The following SEC23B variants were observed in gnomAD, a reference collection of about 807,000 sequenced individuals.
SEC23B encodes SEC23 homolog B, COPII component.
In SEC23B, 77 loss-of-function variants were observed where a neutral mutation model predicts 104.3. That is an observed-to-expected ratio of 0.74 (90% CI 0.61 to 0.89). The LOEUF (loss-of-function observed/expected upper bound fraction) is 0.89, where lower values mean the gene tolerates loss of function less well. Among genes scored for constraint, SEC23B ranks in the 40% least tolerant of loss-of-function variants. The pLI is 0.00. For synonymous variants in SEC23B, 338 were observed against 332.5 expected, an observed-to-expected ratio of 1.02 and a Z score of -0.18; for missense variants, 885 against 949.4, an observed-to-expected ratio of 0.93 and a Z score of 0.89.
chr20:18,546,903 G>GTTTT (rs58809009), intron 15 of SEC23B, among the ~76,000 whole-genome samples: 3 of 115,496 alleles, frequency 2.6e-5, no homozygotes, highest in African/African-American at 6.7e-5. Context: ...GTGGTTTGCA[G>GTTTT]TTTTTTTTTT....
chr20:18,531,319 G>A (rs1487701674), intron 10 of SEC23B, among the ~76,000 whole-genome samples: 3 of 152,154 alleles, frequency 2.0e-5, no homozygotes, highest in Non-Finnish European at 2.9e-5. Flanking sequence ...GCACAGAGAC[G>A]TGGTTATGTT....
chr20:18,555,680 T>G (rs1281734034), intron 19 of SEC23B, among the ~76,000 whole-genome samples: 1 of 152,142 alleles, frequency 6.6e-6, no homozygotes, highest in East Asian at 1.9e-4. Context: ...TAAATTAAAT[T>G]TTTTTGAGAT....
intron 19 of SEC23B, among the ~76,000 whole-genome samples, chr20:18,556,765 A>G (rs1253481274): frequency 6.6e-6 from 1 of 152,202 alleles, no homozygotes; most frequent in Non-Finnish European, 1.5e-5. Flanking sequence ...TGGGAGGCCA[A>G]GGTAGGCAGA....
At chr20:18,529,425 G>A (rs1301326538) in intron 9 of SEC23B, among the ~76,000 whole-genome samples, 1 of 152,230 alleles carries the variant, frequency 6.6e-6, no homozygotes, top group Non-Finnish European at 1.5e-5. Flanking sequence ...TTTGCAGAGG[G>A]TTTGGTTGAG....
intron 14 of SEC23B, 75 bp from the exon 15 acceptor site, chr20:18,545,881 C>T (rs2060327079): frequency 2.3e-6 from 2 of 872,194 alleles, no homozygotes; most frequent in East Asian, 4.8e-5. Context: ...GGAATATTTC[C>T]AGGTAATGCT....
intron 4 of SEC23B, among the ~76,000 whole-genome samples, chr20:18,520,352 A>T (rs1291336537): frequency 6.6e-6 from 1 of 152,140 alleles, no homozygotes; most frequent in African/African-American, 2.4e-5. Context: ...ATTGGCATTG[A>T]GCGGGGTAAG....
chr20:18,532,402 A>G (rs184002307), intron 10 of SEC23B, among the ~76,000 whole-genome samples: 16 of 152,370 alleles, frequency 1.1e-4, no homozygotes, highest in African/African-American at 3.4e-4. Flanking sequence ...CTACATGTAC[A>G]GTAATTTCCA....
At position 18,542,306 on chromosome 20, in the gene SEC23B, C is replaced by T. The variant is rs752548887; in HGVS notation, c.1415C>T (p.Pro472Leu). The stretch of plus-strand genomic sequence containing the variant: ...CCTCTCATCCTACAGCACAACACCC[C>T]GATCCCCCAAGGAGGCAGAGGAGCC... ...YFEVVNQHNTPIPQGGRGAIQ... is the reference protein window; with the variant it reads ...YFEVVNQHNTLIPQGGRGAIQ... The change falls in exon 13 of 20, where the codon CCG becomes CTG. Residue 472 changes from proline to leucine, a missense_variant. By Grantham distance (98) the Pro-to-Leu change is moderately conservative (BLOSUM62 -3). Coordinates refer to ENST00000650089, the MANE Select transcript of SEC23B (RefSeq NM_006363.6). 16 of 1,614,000 alleles carry T rather than the reference C, an allele frequency of 9.9e-6. No individual in the cohort carries two copies. The highest frequency in any genetic ancestry group is 1.7e-5 in the Admixed American group (1 of 59,990).
At chr20:18,545,047 T>C (rs377330276) in intron 14 of SEC23B, among the ~76,000 whole-genome samples, 21 of 151,692 alleles carry the variant, frequency 1.4e-4, no homozygotes, top group African/African-American at 5.1e-4. Context: ...GATAATTGAA[T>C]GTGAACTTGC....
At chr20:18,522,675 A>G (rs2060094944) in intron 4 of SEC23B, among the ~76,000 whole-genome samples, 1 of 141,020 alleles carries the variant, frequency 7.1e-6, no homozygotes, top group Admixed American at 7.2e-5. Context: ...AGAAACCACC[A>G]AACAGGCTTT....
Position 18,524,549 on chromosome 20 carries a change from T to C in SEC23B, c.483T>C (p.Asp161=). ...TGTCCCTGAGTCTTCTTCCTCCAGA[T>C]GCTCTGGTGGGTCTGATCACATTTG... ...LQMSLSLLPP[D]ALVGLITFGR... The change falls in exon 5 of 20, where the codon GAT becomes GAC. Residue 161 remains aspartate (D), a synonymous_variant. Transcript: ENST00000650089. The C allele has an allele frequency of 6.2e-7, 1 of 1,613,984 alleles. No individual in the cohort carries two copies. Among genetic ancestry groups the C allele is most frequent in the Non-Finnish European group, 8.5e-7 (1 of 1,179,788 alleles).
Position 18,543,003 on chromosome 20 carries a change from ACT to A in SEC23B, c.1512-13_1512-12del, listed in dbSNP as rs2060301858. On this transcript the variant is annotated splice_polypyrimidine_tract_variant and intron_variant, in intron 13 of 19. Transcript: ENST00000650089. ...TCTCCTAAACATAAGCATGGCACTA[ACT>A]CTGGAATTGTCAGTTGGGCAGATGT... 1 of 1,613,896 alleles carries A rather than the reference ACT, an allele frequency of 6.2e-7. No individual in the cohort carries two copies. Among genetic ancestry groups the A allele is most frequent in the Admixed American group, 1.7e-5 (1 of 59,980 alleles).
At chr20:18,556,187 C>A (rs2060436481) in intron 19 of SEC23B, among the ~76,000 whole-genome samples, 2 of 152,158 alleles carry the variant, frequency 1.3e-5, no homozygotes, top group African/African-American at 4.8e-5. Context: ...CACTTACTTA[C>A]CTGCCACTCA....
intron 4 of SEC23B, among the ~76,000 whole-genome samples, chr20:18,519,357 A>G (rs11906784): frequency 0.03 from 4,570 of 152,236 alleles, 196 homozygotes; most frequent in African/African-American, 0.1. Flanking sequence ...CAGAAAGTAT[A>G]TGTGTCAGGT....
Position 18,560,970 on chromosome 20 carries a change from T to C in SEC23B, c.*230T>C, listed in dbSNP as rs2060487062. On this transcript the variant is annotated 3_prime_UTR_variant, in exon 20 of 20. Coordinates refer to ENST00000650089, the MANE Select transcript of SEC23B (RefSeq NM_006363.6). Reference sequence around the variant, plus strand: ...TTGGTACTTGTAGATGTTTATGTGCTTTTTGTATCCTAACTTTTAGAATCT... The same window carrying C: ...TTGGTACTTGTAGATGTTTATGTGCCTTTTGTATCCTAACTTTTAGAATCT... 1 of 515,268 alleles carries C rather than the reference T, an allele frequency of 1.9e-6. No homozygotes were observed. The highest frequency in any genetic ancestry group is 3.5e-6 in the Non-Finnish European group (1 of 287,120). The allele number at this position is 515,268 out of a possible 1,614,324, so 31.9% of individuals were successfully genotyped here. A position where few individuals can be genotyped will look rare whatever the true frequency, so the allele number is the denominator to read the frequency against.
chr20:18,525,414 A>G (rs963904645), intron 6 of SEC23B, among the ~76,000 whole-genome samples: 4 of 152,240 alleles, frequency 2.6e-5, no homozygotes, highest in Admixed American at 1.3e-4. Flanking sequence ...GCTTAAGAGA[A>G]GCACAGATTA....
chr20:18,542,518 C>A, intron 13 of SEC23B, 116 bp downstream of exon 13: 1 of 1,044,618 alleles, frequency 9.6e-7, no homozygotes, highest in Non-Finnish European at 1.5e-6. Flanking sequence ...TCTCACCAGA[C>A]CTCATTAGCT....
intron 1 of SEC23B, chr20:18,510,081 G>A (rs1463962567): frequency 6.6e-6 from 1 of 152,316 alleles, no homozygotes; most frequent in Non-Finnish European, 1.5e-5. Flanking sequence ...GGAAGGGAAT[G>A]AGCACCCCCC....
intron 15 of SEC23B, among the ~76,000 whole-genome samples, chr20:18,547,206 C>G (rs1423220195): frequency 2.0e-5 from 3 of 152,114 alleles, no homozygotes; most frequent in Non-Finnish European, 4.4e-5. Flanking sequence ...TAGAGTCCAG[C>G]TGTGACACTC....
Sources: allele counts gnomAD v4.1 joint callset (sites outside exome capture counted in the v4.1 genomes callset), GRCh38; gene constraint gnomAD v4.1.1; transcripts MANE v1.5; gene names NCBI Gene and HGNC (gene_info 2026-07-23, HGNC 2026-07-21).